Variants in PTPRD observed in about 807,000 individuals in gnomAD.
The protein encoded by PTPRD is protein tyrosine phosphatase receptor type D, also known as receptor-type tyrosine-protein phosphatase delta.
PTPRD carries 34 observed loss-of-function variants against 214.5 expected under a neutral mutation model. The ratio of observed to expected loss-of-function variants is 0.16; its 90% CI spans 0.12 to 0.21. PTPRD has a LOEUF of 0.21. Ranked by LOEUF, PTPRD falls within the 10% of genes least tolerant of loss-of-function variation. PTPRD has a pLI of 1.00. For missense variants in PTPRD, 2,545 were observed against 2,398.7 expected, an observed-to-expected ratio of 1.06 and a Z score of -1.27; for synonymous variants, 1,128 against 845.7, an observed-to-expected ratio of 1.33 and a Z score of -5.79.
intron 21 of PTPRD, among the ~76,000 whole-genome samples, chr9:8,515,901 G>A (rs1157177643): frequency 1.2e-4 from 18 of 152,068 alleles, no homozygotes; most frequent in Non-Finnish European, 2.9e-5. Context: ...TCTATAAGGT[G>A]GTTATTATTA....
At chr9:8,651,321 T>C (rs2096802247) in intron 12 of PTPRD, among the ~76,000 whole-genome samples, 1 of 152,114 alleles carries the variant, frequency 6.6e-6, no homozygotes, top group African/African-American at 2.4e-5. Context: ...GACAACTGGT[T>C]CTATGCTCGG....
At chr9:8,578,849 T>G (rs1312237658) in intron 14 of PTPRD, among the ~76,000 whole-genome samples, 1 of 152,220 alleles carries the variant, frequency 6.6e-6, no homozygotes, top group African/African-American at 2.4e-5. Context: ...GAGTTAAACT[T>G]CAAATTACAT....
chr9:9,140,771 G>T (rs1277417959), intron 10 of PTPRD, among the ~76,000 whole-genome samples: 1 of 152,060 alleles, frequency 6.6e-6, no homozygotes, highest in East Asian at 1.9e-4. Flanking sequence ...GTAGAGACGG[G>T]GTTTCACCGT....
intron 11 of PTPRD, among the ~76,000 whole-genome samples, chr9:8,814,759 C>T (rs1449965462): frequency 6.6e-6 from 1 of 152,136 alleles, no homozygotes; most frequent in African/African-American, 2.4e-5. Context: ...CATACATTTA[C>T]AAATAGTATG....
Position 8,733,813 on chromosome 9 carries a change from G to C in PTPRD, c.31C>G (p.Leu11Val), listed in dbSNP as rs940459920. 1 of 1,552,424 alleles carries C rather than the reference G, an allele frequency of 6.4e-7. No individual in the cohort carries two copies. Among genetic ancestry groups the C allele is most frequent in the African/African-American group, 1.4e-5 (1 of 73,256 alleles). MVHVARLLLL[L>V]LTFFLRTDAE... The stretch of plus-strand genomic sequence containing the variant: ...TCCGTGCGGAGGAAGAAAGTGAGGA[G>C]CAGCAGCAGCAGCCTGGCTACGTGC... Residue 11 changes from leucine to valine, a missense_variant, in exon 12 of 46, where the codon CTC becomes GTC. Coordinates refer to ENST00000381196, the MANE Select transcript of PTPRD (RefSeq NM_002839.4).
chr9:9,529,178 C>T (rs1395966294), intron 8 of PTPRD, among the ~76,000 whole-genome samples: 16 of 151,312 alleles, frequency 1.1e-4, no homozygotes, highest in Non-Finnish European at 2.4e-4. Context: ...GTGATCCGCC[C>T]GCCTTGGCCT....
At chr9:8,404,706 C>A (rs778142410) in intron 35 of PTPRD, 46 bp from the exon 36 acceptor site, 58 of 1,566,502 alleles carry the variant, frequency 3.7e-5, no homozygotes, top group Admixed American at 5.2e-5. Flanking sequence ...ATACTGAAAA[C>A]CACCAGATTA....
intron 3 of PTPRD, among the ~76,000 whole-genome samples, chr9:10,117,248 T>C (rs919626384): frequency 9.9e-5 from 15 of 152,206 alleles, no homozygotes; most frequent in African/African-American, 3.4e-4. Flanking sequence ...TACATAACAG[T>C]AAATTAGCCC....
At chr9:8,801,434 T>C (rs1167045931) in intron 11 of PTPRD, among the ~76,000 whole-genome samples, 1 of 152,188 alleles carries the variant, frequency 6.6e-6, no homozygotes, top group Non-Finnish European at 1.5e-5. Context: ...CCATCAAACC[T>C]GGCCAAGCAC....
chr9:8,531,896 A>C (rs1342434726), intron 14 of PTPRD, among the ~76,000 whole-genome samples: 2 of 152,082 alleles, frequency 1.3e-5, no homozygotes, highest in Non-Finnish European at 2.9e-5. Flanking sequence ...ATAGCCGACA[A>C]AATTGACTTG....
intron 11 of PTPRD, among the ~76,000 whole-genome samples, chr9:8,824,540 G>C (rs1293631993): frequency 4.6e-5 from 7 of 152,118 alleles, no homozygotes; most frequent in Non-Finnish European, 8.8e-5. Context: ...CAGTAAGCTT[G>C]TTTTGTATTC....
chr9:9,847,014 G>C (rs990344002), intron 5 of PTPRD, among the ~76,000 whole-genome samples: 1 of 151,990 alleles, frequency 6.6e-6, no homozygotes, highest in South Asian at 2.1e-4. Context: ...AAAAAATAAA[G>C]CATCCAGACA....
intron 10 of PTPRD, among the ~76,000 whole-genome samples, chr9:9,129,404 T>C (rs2099839155): frequency 6.6e-6 from 1 of 151,962 alleles, no homozygotes; most frequent in African/African-American, 2.4e-5. Flanking sequence ...AATAAATAAA[T>C]AAGAGAATTA....
intron 4 of PTPRD, among the ~76,000 whole-genome samples, chr9:9,939,494 C>T (rs975487205): frequency 6.6e-6 from 1 of 152,094 alleles, no homozygotes; most frequent in Non-Finnish European, 1.5e-5. Context: ...ATTTGGTGAC[C>T]TCCTTTTTGA....
chr9:8,912,485 G>C (rs942179076), intron 11 of PTPRD, among the ~76,000 whole-genome samples: 1 of 152,118 alleles, frequency 6.6e-6, no homozygotes, highest in Non-Finnish European at 1.5e-5. Context: ...CAGATCTGAG[G>C]TTGTCTGGGA....
At chr9:9,319,128 T>C (rs1312893521) in intron 9 of PTPRD, among the ~76,000 whole-genome samples, 2 of 152,180 alleles carry the variant, frequency 1.3e-5, no homozygotes, top group Admixed American at 6.5e-5. Context: ...TGCAAATCAA[T>C]AAAAATGTTT....
chr9:8,789,076 T>G (rs28733002), intron 11 of PTPRD, among the ~76,000 whole-genome samples: 9,102 of 152,244 alleles, frequency 0.06, 596 homozygotes, highest in African/African-American at 0.16. Flanking sequence ...TAAGAAGCAT[T>G]TGCTTAGAGG....
intron 3 of PTPRD, among the ~76,000 whole-genome samples, chr9:10,164,635 T>A (rs2154291946): frequency 6.6e-6 from 1 of 151,728 alleles, no homozygotes; most frequent in East Asian, 1.9e-4. Context: ...AAATCTAGAA[T>A]TAATTGTTAA....
At chr9:9,514,916 AC>A (rs1313967453) in intron 8 of PTPRD, among the ~76,000 whole-genome samples, 1 of 152,020 alleles carries the variant, frequency 6.6e-6, no homozygotes, top group Non-Finnish European at 1.5e-5. Context: ...CTAAACAAAT[AC>A]TTATTTGTAA....
Sources: allele counts gnomAD v4.1 joint callset (sites outside exome capture counted in the v4.1 genomes callset), GRCh38; gene constraint gnomAD v4.1.1; transcripts MANE v1.5; gene names NCBI Gene and HGNC (gene_info 2026-07-23, HGNC 2026-07-21).